Variants in IQCH observed in about 807,000 individuals in gnomAD.
The protein encoded by IQCH is IQ domain-containing protein H.
IQCH carries 98 observed loss-of-function variants against 117.0 expected under a neutral mutation model. The observed-to-expected ratio is 0.84, with a 90% CI of 0.71 to 0.99. The LOEUF is 0.99. IQCH is among the 50% of genes least tolerant of loss of function. IQCH has a pLI of 0.00. For missense variants in IQCH, 1,102 were observed against 1,243.8 expected (o/e 0.89, Z 1.72); for synonymous variants, 412 against 448.2 (o/e 0.92, Z 1.02).
chr15:67,319,052 C>T (rs1267740924), intron 4 of IQCH, among the ~76,000 whole-genome samples: 2 of 152,062 alleles, frequency 1.3e-5, no homozygotes, highest in African/African-American at 4.8e-5. Flanking sequence ...ATGGTGAAAC[C>T]CCATCTCTAC....
intron 18 of IQCH, among the ~76,000 whole-genome samples, chr15:67,478,368 G>A (rs1416558836): frequency 6.6e-6 from 1 of 151,818 alleles, no homozygotes; most frequent in African/African-American, 2.4e-5. Context: ...CTGGGCCACA[G>A]AGCGAGACTC....
chr15:67,324,236 C>T (rs187749759), intron 4 of IQCH, among the ~76,000 whole-genome samples: 4 of 151,670 alleles, frequency 2.6e-5, no homozygotes, highest in East Asian at 1.9e-4. Context: ...TGAGCTACCA[C>T]GCCCAGCCTC....
At chr15:67,310,040 C>T (rs1967506566) in intron 4 of IQCH, among the ~76,000 whole-genome samples, 1 of 151,808 alleles carries the variant, frequency 6.6e-6, no homozygotes, top group South Asian at 2.1e-4. Flanking sequence ...CTTCTTCACA[C>T]TTATGCTTTT....
intron 4 of IQCH, among the ~76,000 whole-genome samples, chr15:67,280,505 C>A (rs146328929): frequency 6.2e-4 from 95 of 152,278 alleles, no homozygotes; most frequent in African/African-American, 2.1e-3. Flanking sequence ...CAGTTTTCTT[C>A]ATTTGTTTCT....
At position 67,475,689 on chromosome 15, in the gene IQCH, T is replaced by C. The variant is rs1360985183; in HGVS notation, c.2677-7T>C. On this transcript the variant is annotated splice_polypyrimidine_tract_variant and splice_region_variant and intron_variant, in intron 17 of 20. Coordinates refer to ENST00000335894, the MANE Select transcript of IQCH (RefSeq NM_001031715.3). The surrounding 1 kb of genome is among the most constrained non-coding windows in gnomAD (Gnocchi z 5.7). Reference sequence around the variant, plus strand: ...TCTGTTTAATATTCAGTTGTGCTCCTTTCCAGATGCTGGCAACCAGTCGCT... The same window carrying C: ...TCTGTTTAATATTCAGTTGTGCTCCCTTCCAGATGCTGGCAACCAGTCGCT... The C allele has an allele frequency of 1.9e-6, 3 of 1,613,336 alleles. No homozygotes were observed. The highest frequency in any genetic ancestry group is 1.7e-4 in the Middle Eastern group (1 of 6,052).
At position 67,496,639 on chromosome 15, in the gene IQCH, G is replaced by A. The variant is rs2083818856; in HGVS notation, c.2970+2273G>A. On this transcript the variant is annotated intron_variant, in intron 20 of 20. Transcript: ENST00000335894. The surrounding 1 kb of genome is among the most constrained non-coding windows in gnomAD (Gnocchi z 4.4). Reference sequence around the variant, plus strand: ...GTGGGAGGATTACTTGCACTCAGGAGTTTGAGACCAGCCTGGGCAACATAG... The same window carrying A: ...GTGGGAGGATTACTTGCACTCAGGAATTTGAGACCAGCCTGGGCAACATAG... 1.3e-5 allele frequency among the ~76,000 whole-genome samples: 2 copies of A among 152,066 alleles called. No homozygotes were observed. Among genetic ancestry groups the A allele is most frequent in the African/African-American group, 4.8e-5 (2 of 41,408 alleles).
At chr15:67,346,990 A>G (rs962959838) in intron 6 of IQCH, among the ~76,000 whole-genome samples, 3 of 152,118 alleles carry the variant, frequency 2.0e-5, no homozygotes, top group Middle Eastern at 3.2e-3. Flanking sequence ...GGGAATGACC[A>G]CACAACATAT....
At chr15:67,353,173 C>T (rs1038755150) in intron 6 of IQCH, among the ~76,000 whole-genome samples, 6 of 149,090 alleles carry the variant, frequency 4.0e-5, no homozygotes, top group African/African-American at 1.5e-4. Flanking sequence ...AAAAAGAAAA[C>T]AAGAACAATT....
chr15:67,455,639 T>C (rs1001784972), intron 16 of IQCH, among the ~76,000 whole-genome samples: 1 of 152,218 alleles, frequency 6.6e-6, no homozygotes, highest in African/African-American at 2.4e-5. Flanking sequence ...CATCGAAGGC[T>C]GTTCATAGGA....
At chr15:67,438,702 G>A (rs1331612666) in intron 16 of IQCH, among the ~76,000 whole-genome samples, 1 of 152,186 alleles carries the variant, frequency 6.6e-6, no homozygotes, top group African/African-American at 2.4e-5. Flanking sequence ...TAAACTTAAA[G>A]GGGTGAAAAA....
chr15:67,300,904 C>T (rs1966992926), intron 4 of IQCH, among the ~76,000 whole-genome samples: 1 of 152,182 alleles, frequency 6.6e-6, no homozygotes, highest in Non-Finnish European at 1.5e-5. Flanking sequence ...ACCACAGAAT[C>T]ACTGATGAGA....
At chr15:67,324,998 A>G (rs187846942) in intron 4 of IQCH, among the ~76,000 whole-genome samples, 5 of 151,672 alleles carry the variant, frequency 3.3e-5, no homozygotes, top group Admixed American at 3.3e-4. Flanking sequence ...TTCTTTAAAT[A>G]TTTTTCTCTA....
chr15:67,484,574 C>CA lies in IQCH; in HGVS notation c.2800-5411dup, dbSNP rs61010661. Among the ~76,000 whole-genome samples, 575 of 125,532 alleles carry CA rather than the reference C, an allele frequency of 4.6e-3. 2 individuals are homozygous for CA. Among genetic ancestry groups the CA allele is most frequent in the African/African-American group, 0.012 (402 of 33,260 alleles). The allele number at this position is 125,532 out of a possible 152,430, so 82.4% of individuals were successfully genotyped here. A position where few individuals can be genotyped will look rare whatever the true frequency, so the allele number is the denominator to read the frequency against. ...TGAAACCCTGTCTCTACTAAAAATA[C>CA]AAAAAAAAAAAAAAAAAATAGCTAG... On this transcript the variant is annotated intron_variant, in intron 18 of 20. Coordinates refer to ENST00000335894, the MANE Select transcript of IQCH (RefSeq NM_001031715.3).
chr15:67,487,073 C>G (rs1473415747), intron 18 of IQCH, among the ~76,000 whole-genome samples: 1 of 152,242 alleles, frequency 6.6e-6, no homozygotes, highest in Non-Finnish European at 1.5e-5. Context: ...TGGCTCACGC[C>G]TGTAATCCCA....
chr15:67,495,037 C>CG (rs1430114359), intron 20 of IQCH, among the ~76,000 whole-genome samples: 2 of 152,172 alleles, frequency 1.3e-5, no homozygotes, highest in African/African-American at 4.8e-5. Flanking sequence ...GAGATGATCA[C>CG]GTGGTATTGA....
chr15:67,363,197 A>C (rs2140758500), intron 8 of IQCH, among the ~76,000 whole-genome samples: 1 of 151,546 alleles, frequency 6.6e-6, no homozygotes, highest in Admixed American at 6.6e-5. Context: ...ACAAACAAAC[A>C]ACCCCTGTGG....
At chr15:67,334,669 C>T (rs1393222278) in intron 4 of IQCH, among the ~76,000 whole-genome samples, 1 of 152,150 alleles carries the variant, frequency 6.6e-6, no homozygotes, top group African/African-American at 2.4e-5. Flanking sequence ...GGGTTGGGTC[C>T]CAGGGTTGGG....
At chr15:67,379,163 G>A (rs1328261815) in intron 10 of IQCH, among the ~76,000 whole-genome samples, 2 of 152,130 alleles carry the variant, frequency 1.3e-5, no homozygotes, top group African/African-American at 2.4e-5. Flanking sequence ...ATCTGCTTCT[G>A]TATTCAATCT....
At chr15:67,279,278 C>T in intron 3 of IQCH, 117 bp from the exon 4 acceptor site, 2 of 614,202 alleles carry the variant, frequency 3.3e-6, no homozygotes, top group East Asian at 3.1e-5. Context: ...TTGTAATTAC[C>T]AATAGAATAT....
Sources: gnomAD v4.1 joint callset for allele counts (sites outside exome capture counted in the v4.1 genomes callset) on GRCh38, gnomAD v4.1.1 for gene constraint, Gnocchi (gnomAD v3.1) non-coding constraint, MANE v1.5 for transcripts, NCBI Gene and HGNC (gene_info 2026-07-23, HGNC 2026-07-21) for gene names.